Variants in ZNF532 observed in about 807,000 individuals in gnomAD.
The protein encoded by ZNF532 is zinc finger protein 532.
Under a neutral mutation model 89.3 loss-of-function variants are expected in ZNF532, and 22 were observed. The observed-to-expected ratio is 0.25, with a 90% CI of 0.18 to 0.35. The LOEUF (loss-of-function observed/expected upper bound fraction) is 0.35. Among genes scored for constraint, ZNF532 ranks in the 10% least tolerant of loss-of-function variants. The probability of loss-of-function intolerance (pLI) is 1.00; values close to 1 mark genes in which losing one functional copy is unlikely to be tolerated. For synonymous variants in ZNF532, 606 were observed against 649.6 expected (o/e 0.93, Z 1.02); for missense variants, 1,132 against 1,643.4 (o/e 0.69, Z 5.38).
intron 7 of ZNF532, among the ~76,000 whole-genome samples, chr18:58,977,092 A>G (rs1207607607): frequency 6.6e-6 from 1 of 152,156 alleles, no homozygotes; most frequent in African/African-American, 2.4e-5. Context: ...TTTCCCCCAG[A>G]GATGAACAGC....
At chr18:58,888,761 A>ATATATAATTTATATATATATAAAATTAAT (rs1450919884) in intron 2 of ZNF532, among the ~76,000 whole-genome samples, 2 of 9,438 alleles carry the variant, frequency 2.1e-4, no homozygotes, top group Non-Finnish European at 6.9e-4. Flanking sequence ...ATATAAAATT[A>ATATATAATTTATATATATATAAAATTAAT]ATATATATAA....
intron 2 of ZNF532, among the ~76,000 whole-genome samples, chr18:58,868,598 T>G (rs886989897): frequency 2.6e-5 from 4 of 152,218 alleles, no homozygotes; most frequent in Non-Finnish European, 4.4e-5. Context: ...CATCCATGTT[T>G]CTCTGTGTTT....
Position 58,953,703 on chromosome 18 carries a change from G to A in ZNF532, c.3054G>A (p.Lys1018=). ...CTGTGAAAAAATCAATGGAAACCAA[G>A]AAAGTGGCCAGTCCTGGGTGGACGT... is the stretch of plus-strand genomic sequence containing the variant. The part of the protein sequence containing the change: ...PSPVKKSMET[K]KVASPGWTCW... The change falls in exon 7 of 10, where the codon AAG becomes AAA. Residue 1018 remains lysine (K), a synonymous_variant. Transcript: ENST00000591808. 1 of 1,614,034 alleles carries A rather than the reference G, an allele frequency of 6.2e-7. No individual in the cohort carries two copies. The highest frequency in any genetic ancestry group is 8.5e-7 in the Non-Finnish European group (1 of 1,179,912).
intron 4 of ZNF532, 64 bp from the exon 5 acceptor site, chr18:58,939,381 G>C: frequency 1.4e-6 from 2 of 1,440,118 alleles, no homozygotes; most frequent in Non-Finnish European, 1.9e-6. Flanking sequence ...ATCTCACCCA[G>C]TTTTTGCAGT....
At chr18:58,913,602 A>AC (rs2060415272) in intron 2 of ZNF532, among the ~76,000 whole-genome samples, 1 of 146,554 alleles carries the variant, frequency 6.8e-6, no homozygotes, top group African/African-American at 2.6e-5. Context: ...AGGGAAAGGA[A>AC]AAAATATATA....
chr18:58,958,910 CCTG>C (rs2065054779), intron 7 of ZNF532, among the ~76,000 whole-genome samples: 1 of 152,150 alleles, frequency 6.6e-6, no homozygotes, highest in African/African-American at 2.4e-5. Flanking sequence ...TTGTGGATCT[CCTG>C]CTCTTCTTTT....
In ZNF532 at chr18:58,865,561, A is replaced by G. The variant is rs2056377738; in HGVS notation, c.-36A>G. On this transcript the variant is annotated 5_prime_UTR_variant, in exon 2 of 10. Transcript: ENST00000591808. ...TGAACATTGGTCTAAAGTCTTTCCA[A>G]AAGGTCAAGGTTCACAAGGTGAGAT... is the stretch of plus-strand genomic sequence containing the variant. The G allele has an allele frequency of 1.3e-5, 2 of 153,206 alleles. No homozygotes were observed. Among genetic ancestry groups the G allele is most frequent in the African/African-American group, 4.8e-5 (2 of 41,432 alleles). The allele number at this position is 153,206 out of a possible 1,614,324, so 9.5% of individuals were successfully genotyped here. A position where few individuals can be genotyped will look rare whatever the true frequency, so the allele number is the denominator to read the frequency against.
intron 3 of ZNF532, among the ~76,000 whole-genome samples, chr18:58,932,109 C>T (rs1451249292): frequency 6.6e-6 from 1 of 152,114 alleles, no homozygotes; most frequent in Admixed American, 6.5e-5. Flanking sequence ...CCCCAGTGAC[C>T]ATTTTCTCCC....
intron 7 of ZNF532, among the ~76,000 whole-genome samples, chr18:58,971,982 TC>T (rs1374128691): frequency 1.2e-4 from 18 of 152,230 alleles, no homozygotes; most frequent in Non-Finnish European, 2.6e-4. Flanking sequence ...GGCGGGTAGA[TC>T]ACCTGAGGTA....
chr18:58,984,464 T>C lies in ZNF532; in HGVS notation c.3904T>C (p.Ter1302GlnextTer26), dbSNP rs1363486856. 1.6e-5 allele frequency: 25 copies of C among 1,605,580 alleles called. No individual in the cohort carries two copies. The highest frequency in any genetic ancestry group is 2.0e-5 in the Non-Finnish European group (24 of 1,175,112). Residue 1302 changes from the stop codon to glutamine, a stop_lost, in exon 10 of 10, where the codon TAG becomes CAG. Transcript: ENST00000591808. Reference sequence around the variant, plus strand: ...CAAAAGGATGAGCTCAGCCGAGAAATAGCCACAGATGCTCCATGAGGAAAA... The same window carrying C: ...CAAAAGGATGAGCTCAGCCGAGAAACAGCCACAGATGCTCCATGAGGAAAA... Reference protein sequence around the residue: ...KSKRMSSAEK* With the variant: ...KSKRMSSAEKQ
chr18:58,899,080 G>A (rs1014682562), intron 2 of ZNF532, among the ~76,000 whole-genome samples: 18 of 152,244 alleles, frequency 1.2e-4, no homozygotes, highest in African/African-American at 4.3e-4. Context: ...GGATCCATGC[G>A]TTCACAGCGG....
chr18:58,864,571 G>T (rs931322253), upstream of ZNF532: 2 of 149,740 alleles, frequency 1.3e-5, no homozygotes, highest in African/African-American at 2.5e-5. Context: ...AGTGTCTGCG[G>T]TGGGCTGTGG....
At position 58,871,550 on chromosome 18, in the gene ZNF532, G is replaced by A. The variant is rs375032519; in HGVS notation, c.-18+5971G>A. Among the ~76,000 whole-genome samples the A allele has an allele frequency of 3.9e-5, 6 of 152,354 alleles. No individual in the cohort carries two copies. The East Asian group carries it at 9.6e-4, about 24-fold the overall frequency. On this transcript the variant is annotated intron_variant, in intron 2 of 9. Transcript: ENST00000591808. ...CTTCTCACTGTGCTGTTCTGCCTTG[G>A]GGGAGCACAGTTGGTGGACTGAGGG...
chr18:58,877,448 C>T (rs901383821), intron 2 of ZNF532, among the ~76,000 whole-genome samples: 3 of 152,156 alleles, frequency 2.0e-5, no homozygotes, highest in Non-Finnish European at 2.9e-5. Context: ...GTTTATTTTA[C>T]TTTGGGAAGG....
At chr18:58,874,011 T>C (rs2057219100) in intron 2 of ZNF532, among the ~76,000 whole-genome samples, 2 of 50,462 alleles carry the variant, frequency 4.0e-5, no homozygotes, top group African/African-American at 2.3e-4. Context: ...TAGCAGAATA[T>C]GTGGTGAGCC....
chr18:58,948,314 A>G, intron 6 of ZNF532, 85 bp downstream of exon 6: 1 of 1,385,658 alleles, frequency 7.2e-7, no homozygotes, highest in Non-Finnish European at 9.8e-7. Context: ...AGGTGACTCT[A>G]AAGCATGCCT....
intron 2 of ZNF532, among the ~76,000 whole-genome samples, chr18:58,879,432 C>T (rs1321931607): frequency 6.6e-6 from 1 of 152,196 alleles, no homozygotes; most frequent in Non-Finnish European, 1.5e-5. Flanking sequence ...GAGTCTCGCT[C>T]TGTTGCCCAG....
At position 58,951,656 on chromosome 18, in the gene ZNF532, T is replaced by TTGG. The variant is rs796177394; in HGVS notation, c.2869-1861_2869-1860insGGT. ...AGCCCTCGCCCTGTTGTTTTTTTTT[T>TTGG]TTTTTTTTTTTGAGATGGAGTTTTG... On this transcript the variant is annotated intron_variant, in intron 6 of 9. Coordinates refer to ENST00000591808, the MANE Select transcript of ZNF532 (RefSeq NM_001375912.1). Among the ~76,000 whole-genome samples, 7 of 135,918 alleles carry TTGG rather than the reference T, an allele frequency of 5.2e-5. 1 individual carries two copies. The highest frequency in any genetic ancestry group is 2.2e-4 in the Admixed American group (3 of 13,454). The allele number at this position is 135,918 out of a possible 152,430, so 89.2% of individuals were successfully genotyped here.
intron 2 of ZNF532, among the ~76,000 whole-genome samples, chr18:58,913,424 A>T (rs1568300666): frequency 6.6e-6 from 1 of 152,144 alleles, no homozygotes; most frequent in East Asian, 1.9e-4. Flanking sequence ...GATAGGAAAG[A>T]TGAAAACATG....
Sources: gnomAD v4.1 joint callset for allele counts (sites outside exome capture counted in the v4.1 genomes callset) on GRCh38, gnomAD v4.1.1 for gene constraint, MANE v1.5 for transcripts, NCBI Gene and HGNC (gene_info 2026-07-23, HGNC 2026-07-21) for gene names.